SNX29: variants seen among roughly 807,000 people sequenced by gnomAD.
The protein encoded by SNX29 is sorting nexin 29.
A neutral mutation model predicts 102.1 loss-of-function variants in SNX29; 78 were observed. The observed-to-expected ratio is 0.76, with a 90% CI of 0.64 to 0.92. The LOEUF is 0.92. SNX29 is among the 40% of genes least tolerant of loss of function. SNX29 has a pLI of 0.00. For missense variants in SNX29, 1,280 were observed against 1,061.7 expected (o/e 1.21, Z -2.86); for synonymous variants, 580 against 414.5 (o/e 1.40, Z -4.85).
intron 17 of SNX29, among the ~76,000 whole-genome samples, chr16:12,400,960 T>G (rs1384582662): frequency 6.6e-6 from 1 of 152,124 alleles, no homozygotes; most frequent in Non-Finnish European, 1.5e-5. Flanking sequence ...GTAGCTGGGA[T>G]TACAGGTGCC....
intron 15 of SNX29, among the ~76,000 whole-genome samples, chr16:12,350,946 G>C (rs1009336006): frequency 6.6e-6 from 1 of 152,162 alleles, no homozygotes; most frequent in Non-Finnish European, 1.5e-5. Context: ...CCTCTACTCT[G>C]CAGTACAAAT....
At chr16:12,455,559 A>T (rs1160377090) in intron 18 of SNX29, among the ~76,000 whole-genome samples, 1 of 152,152 alleles carries the variant, frequency 6.6e-6, no homozygotes, top group Non-Finnish European at 1.5e-5. Flanking sequence ...GGATCCCGGG[A>T]CCTACCTGTT....
chr16:12,181,907 G>A (rs1392058246), intron 13 of SNX29, among the ~76,000 whole-genome samples: 5 of 150,010 alleles, frequency 3.3e-5, no homozygotes, highest in Non-Finnish European at 5.9e-5. Flanking sequence ...TTCTGGAGAC[G>A]GAGTCTCACT....
At chr16:12,293,455 G>A (rs1477941118) in intron 15 of SNX29, among the ~76,000 whole-genome samples, 1 of 152,222 alleles carries the variant, frequency 6.6e-6, no homozygotes, top group East Asian at 1.9e-4. Context: ...AGATTAGCCA[G>A]CCTGCGGTAG....
intron 18 of SNX29, among the ~76,000 whole-genome samples, chr16:12,448,765 C>T (rs1054716945): frequency 6.6e-6 from 1 of 152,198 alleles, no homozygotes; most frequent in East Asian, 1.9e-4. Context: ...ATAGTCATGT[C>T]TGTCAGTCTT....
intron 15 of SNX29, among the ~76,000 whole-genome samples, chr16:12,349,442 A>T (rs1315684958): frequency 6.6e-6 from 1 of 152,254 alleles, no homozygotes. Context: ...CTGTAAGACA[A>T]TGTACAGGTT....
chr16:12,022,898 T>C (rs922437656), intron 3 of SNX29, among the ~76,000 whole-genome samples: 5 of 147,548 alleles, frequency 3.4e-5, no homozygotes, highest in African/African-American at 1.2e-4. Context: ...CTTATTCCTT[T>C]TTTTTTTTTT....
chr16:12,557,013 T>G (rs1310508310), intron 20 of SNX29, among the ~76,000 whole-genome samples: 1 of 13,184 alleles, frequency 7.6e-5, no homozygotes. Context: ...TCTGGCTAAT[T>G]TACCCCCCCC....
chr16:12,233,390 G>A (rs528623821), intron 14 of SNX29, among the ~76,000 whole-genome samples: 1 of 152,264 alleles, frequency 6.6e-6, no homozygotes, highest in Admixed American at 6.5e-5. Context: ...TAAACAGTGG[G>A]TACTCCTGGA....
intron 20 of SNX29, among the ~76,000 whole-genome samples, chr16:12,558,396 A>G (rs1047628989): frequency 3.3e-5 from 5 of 152,202 alleles, no homozygotes; most frequent in Non-Finnish European, 5.9e-5. Context: ...ATAGAGTGAT[A>G]TGTTAGCCTT....
chr16:12,349,808 A>G lies in SNX29; in HGVS notation c.1783-6355A>G, dbSNP rs11866191. On this transcript the variant is annotated intron_variant, in intron 15 of 20. Transcript: ENST00000566228. ...TCATTATTTTTTATACTTGTTTTTC[A>G]TAATTATTAATGCAAGAAATTGCTT... 3.9e-5 allele frequency among the ~76,000 whole-genome samples: 6 copies of G among 151,988 alleles called. No homozygotes were observed. The East Asian group carries it at 9.7e-4, about 25-fold the overall frequency.
At chr16:12,231,463 A>G (rs1395178839) in intron 14 of SNX29, among the ~76,000 whole-genome samples, 1 of 152,196 alleles carries the variant, frequency 6.6e-6, no homozygotes, top group Non-Finnish European at 1.5e-5. Flanking sequence ...GTAATTTGTA[A>G]CAACTGTGTG....
intron 8 of SNX29, among the ~76,000 whole-genome samples, chr16:12,056,689 C>G (rs1412684749): frequency 6.6e-6 from 1 of 152,176 alleles, no homozygotes; most frequent in African/African-American, 2.4e-5. Context: ...TCTTTGATGT[C>G]TGAAGAAGTC....
At chr16:12,339,156 T>C (rs1180215560) in intron 15 of SNX29, among the ~76,000 whole-genome samples, 1 of 152,034 alleles carries the variant, frequency 6.6e-6, no homozygotes, top group East Asian at 1.9e-4. Flanking sequence ...TCACCTGAGG[T>C]CAGGAGTTCA....
chr16:12,103,730 G>C (rs1459629018), intron 11 of SNX29, among the ~76,000 whole-genome samples: 2 of 152,194 alleles, frequency 1.3e-5, no homozygotes, highest in Non-Finnish European at 2.9e-5. Flanking sequence ...CACAGCAAAA[G>C]AAACTATCAT....
intron 16 of SNX29, among the ~76,000 whole-genome samples, chr16:12,369,044 T>C (rs540956292): frequency 6.6e-6 from 1 of 152,280 alleles, no homozygotes; most frequent in South Asian, 2.1e-4. Context: ...TTATAGAAAC[T>C]GCCCCCAGAC....
chr16:12,358,692 G>A (rs1249840367), intron 16 of SNX29, among the ~76,000 whole-genome samples: 1 of 152,222 alleles, frequency 6.6e-6, no homozygotes, highest in African/African-American at 2.4e-5. Context: ...AAGCCAGGAA[G>A]CATCTGGACA....
Position 12,113,922 on chromosome 16 carries a change from A to G in SNX29, c.1403-12711A>G, listed in dbSNP as rs2053589829. On this transcript the variant is annotated intron_variant, in intron 11 of 20. Transcript: ENST00000566228. ...AGCATCTGAGAGCTAGAAGGATTCT[A>G]GAAGATGAGCTTGTGTAACCTCCGC... is the stretch of plus-strand genomic sequence containing the variant. Among the ~76,000 whole-genome samples the G allele has an allele frequency of 5.9e-5, 9 of 152,382 alleles. No homozygotes were observed. In the South Asian group the frequency reaches 1.9e-3, roughly 32 times the overall value.
At chr16:12,543,844 G>A (rs1326383646) in intron 20 of SNX29, among the ~76,000 whole-genome samples, 1 of 152,232 alleles carries the variant, frequency 6.6e-6, no homozygotes, top group Non-Finnish European at 1.5e-5. Context: ...TTGGAAGAGA[G>A]AAGCCAGTGG....
Sources: gnomAD v4.1 joint callset for allele counts (sites outside exome capture counted in the v4.1 genomes callset) on GRCh38, gnomAD v4.1.1 for gene constraint, MANE v1.5 for transcripts, NCBI Gene and HGNC (gene_info 2026-07-23, HGNC 2026-07-21) for gene names.